The following NHSL1 variants were observed in gnomAD, a reference collection of about 807,000 sequenced individuals.
NHSL1 encodes NHS-like protein 1.
Under a neutral mutation model 95.0 loss-of-function variants are expected in NHSL1, and 48 were observed. That is an observed-to-expected ratio of 0.51 (90% CI 0.40 to 0.64). The LOEUF is 0.64. Ranked by LOEUF, NHSL1 falls within the 30% of genes least tolerant of loss-of-function variation. The pLI is 0.00. For synonymous variants in NHSL1, 783 were observed against 833.9 expected, an observed-to-expected ratio of 0.94 and a Z score of 1.05; for missense variants, 1,971 against 2,077.7, an observed-to-expected ratio of 0.95 and a Z score of 1.00.
chr6:138,613,214 C>T (rs146671049), intron 1 of NHSL1, among the ~76,000 whole-genome samples: 3 of 152,266 alleles, frequency 2.0e-5, no homozygotes, highest in Non-Finnish European at 4.4e-5. Context: ...ATAACAAAGC[C>T]CAAGCCAACA....
At chr6:138,668,555 T>C (rs1360960219) in intron 1 of NHSL1, among the ~76,000 whole-genome samples, 4 of 151,872 alleles carry the variant, frequency 2.6e-5, no homozygotes, top group African/African-American at 9.7e-5. Context: ...TTATTATCTG[T>C]CAATTAAAAA....
chr6:138,432,738 T>C lies in NHSL1; in HGVS notation c.1607A>G (p.Lys536Arg). ...GCCCCCTGAATAACTAGATTCACTCTTGCCATCCACATCTTGGGGGTGGGC... is the reference window on the plus strand; with the variant it reads ...GCCCCCTGAATAACTAGATTCACTCCTGCCATCCACATCTTGGGGGTGGGC... ...FPAHPQDVDGKSESSYSGGGG... is the reference protein window; with the variant it reads ...FPAHPQDVDGRSESSYSGGGG... The change falls in exon 6 of 8, where the codon AAG (lysine) becomes AGG (arginine). Residue 536 changes from lysine (K) to arginine (R), a missense_variant. This residue lies in a region of NHSL1 where 1,602 missense variants were observed against 1,654.5 expected (regional missense o/e 0.97). Coordinates refer to ENST00000343505, the MANE Select transcript of NHSL1 (RefSeq NM_001144060.2). This position sits in a 1 kb window ranked among gnomAD's most constrained non-coding sequence, Gnocchi z 4.4. The C allele has an allele frequency of 6.4e-7, 1 of 1,551,670 alleles. No homozygotes were observed. Among genetic ancestry groups the C allele is most frequent in the Non-Finnish European group, 8.7e-7 (1 of 1,146,946 alleles).
intron 1 of NHSL1, among the ~76,000 whole-genome samples, chr6:138,531,165 G>A (rs923582242): frequency 1.3e-5 from 2 of 152,038 alleles, no homozygotes; most frequent in African/African-American, 4.8e-5. Context: ...CCAGTCTATG[G>A]TACTTTGTTA....
chr6:138,662,274 G>A (rs1785237476), intron 1 of NHSL1, among the ~76,000 whole-genome samples: 2 of 151,998 alleles, frequency 1.3e-5, no homozygotes. Context: ...AAGATTCCTG[G>A]ATTGTCATTA....
intron 1 of NHSL1, among the ~76,000 whole-genome samples, chr6:138,593,717 T>C (rs1244285481): frequency 6.6e-6 from 1 of 152,230 alleles, no homozygotes; most frequent in Non-Finnish European, 1.5e-5. Context: ...TATTTACTTG[T>C]TAGCAGTATT....
chr6:138,601,817 GA>G (rs71547097), intron 1 of NHSL1, among the ~76,000 whole-genome samples: 6,382 of 145,750 alleles, frequency 0.044, 178 homozygotes, highest in South Asian at 0.07. Flanking sequence ...TCTCAAAAAA[GA>G]AAAAAAAAGT....
At chr6:138,670,361 C>T (rs538553520) in intron 1 of NHSL1, among the ~76,000 whole-genome samples, 1 of 148,386 alleles carries the variant, frequency 6.7e-6, no homozygotes, top group African/African-American at 2.5e-5. Flanking sequence ...CAGCAAACAC[C>T]GTTGAAGGTA....
intron 3 of NHSL1, among the ~76,000 whole-genome samples, chr6:138,463,809 C>G (rs1038858846): frequency 4.6e-5 from 7 of 152,160 alleles, no homozygotes; most frequent in Non-Finnish European, 1.0e-4. Flanking sequence ...GTAGTCTGCT[C>G]TAATGATGAC....
At chr6:138,481,194 C>T (rs13212087) in intron 2 of NHSL1, among the ~76,000 whole-genome samples, 8,343 of 152,102 alleles carry the variant, frequency 0.055, 637 homozygotes, top group East Asian at 0.29. Flanking sequence ...AATAAATACA[C>T]AGGAAAAACT....
intron 3 of NHSL1, among the ~76,000 whole-genome samples, chr6:138,454,503 T>C (rs545048320): frequency 1.4e-5 from 2 of 137,932 alleles, no homozygotes; most frequent in South Asian, 4.2e-4. Flanking sequence ...CAGTCATTAC[T>C]GGGGGAAAAA....
intron 1 of NHSL1, among the ~76,000 whole-genome samples, chr6:138,638,134 C>G (rs140599920): frequency 1.3e-4 from 19 of 151,970 alleles, no homozygotes; most frequent in African/African-American, 4.6e-4. Context: ...AACATGTTCT[C>G]ACTTATTTAT....
upstream of NHSL1, among the ~76,000 whole-genome samples, chr6:138,504,214 G>A (rs1780838985): frequency 6.6e-6 from 1 of 152,138 alleles, no homozygotes; most frequent in South Asian, 2.1e-4. Context: ...CAGCCTGGGT[G>A]ACAGAATGAG....
At chr6:138,476,414 A>C (rs1321976503) in intron 2 of NHSL1, among the ~76,000 whole-genome samples, 1 of 152,240 alleles carries the variant, frequency 6.6e-6, no homozygotes, top group Non-Finnish European at 1.5e-5. Context: ...CAAATAGTGC[A>C]TGTTCTCACC....
intron 1 of NHSL1, among the ~76,000 whole-genome samples, chr6:138,570,765 A>G (rs1583424784): frequency 6.6e-6 from 1 of 152,252 alleles, no homozygotes; most frequent in Admixed American, 6.5e-5. Context: ...CAGGTCCCTG[A>G]AAGACTCCAG....
intron 1 of NHSL1, among the ~76,000 whole-genome samples, chr6:138,622,665 A>G (rs2114632516): frequency 1.3e-5 from 2 of 152,220 alleles, no homozygotes; most frequent in South Asian, 4.1e-4. Flanking sequence ...TCAGAAGGGG[A>G]AAAAAAATAC....
At chr6:138,507,284 G>T (rs1781010232) in intron 1 of NHSL1, among the ~76,000 whole-genome samples, 1 of 152,100 alleles carries the variant, frequency 6.6e-6, no homozygotes, top group Admixed American at 6.6e-5. Flanking sequence ...AATTATCCCA[G>T]GTTATAGGAA....
chr6:138,611,266 C>A (rs1433646012), intron 1 of NHSL1, among the ~76,000 whole-genome samples: 1 of 152,180 alleles, frequency 6.6e-6, no homozygotes, highest in Non-Finnish European at 1.5e-5. Context: ...TAGTGTTTCA[C>A]ATATGCCTCA....
At chr6:138,606,758 A>G (rs965378386) in intron 1 of NHSL1, among the ~76,000 whole-genome samples, 7 of 139,962 alleles carry the variant, frequency 5.0e-5, no homozygotes, top group Non-Finnish European at 7.5e-5. Context: ...GCTGGAGTGC[A>G]GTGGCGCAAT....
At chr6:138,610,549 AT>A (rs200654270) in intron 1 of NHSL1, among the ~76,000 whole-genome samples, 19,068 of 131,314 alleles carry the variant, frequency 0.15, 2,907 homozygotes, top group African/African-American at 0.41. Flanking sequence ...TAATAAAAAA[AT>A]ATATATATAT....
Sources: allele counts gnomAD v4.1 joint callset (sites outside exome capture counted in the v4.1 genomes callset), GRCh38; gene constraint gnomAD v4.1.1; regional missense constraint gnomAD v4.1.1; non-coding constraint Gnocchi (gnomAD v3.1); transcripts MANE v1.5; gene names NCBI Gene and HGNC (gene_info 2026-07-23, HGNC 2026-07-21).